The following FARS2 variants were observed in gnomAD, a reference collection of about 807,000 sequenced individuals.
FARS2 encodes the protein phenylalanyl-tRNA synthetase 2, mitochondrial, also known as phenylalanine--tRNA ligase, mitochondrial.
In FARS2, 40 loss-of-function variants were observed where a neutral mutation model predicts 46.4. The ratio of observed to expected loss-of-function variants is 0.86; its 90% CI spans 0.67 to 1.12. The LOEUF is 1.12. FARS2 is among the 50% of genes most tolerant of loss of function. The probability of loss-of-function intolerance (pLI) is 0.00; values close to 1 mark genes in which losing one functional copy is unlikely to be tolerated. For missense variants in FARS2, 513 were observed against 567.9 expected (o/e 0.90, Z 0.98); for synonymous variants, 234 against 214.9 (o/e 1.09, Z -0.78).
chr6:5,558,315 C>G lies in FARS2; in HGVS notation c.1065+12975C>G, dbSNP rs557166184. Among the ~76,000 whole-genome samples, 6 of 152,136 alleles carry G rather than the reference C, an allele frequency of 3.9e-5. No homozygotes were observed. The South Asian group carries it at 1.2e-3, about 32-fold the overall frequency. On this transcript the variant is annotated intron_variant, in intron 5 of 6. Coordinates refer to ENST00000274680, the MANE Select transcript of FARS2 (RefSeq NM_006567.5). ...GGCTGCCTGTATTTAGACAGAGAAA[C>G]AAGTTACTTTGTAGGTAGAGTGTCA...
chr6:5,332,810 A>G (rs1026149261), intron 1 of FARS2, among the ~76,000 whole-genome samples: 1 of 152,196 alleles, frequency 6.6e-6, no homozygotes, highest in African/African-American at 2.4e-5. Context: ...ACATAGGGCA[A>G]ACGCTTTCAT....
intron 6 of FARS2, among the ~76,000 whole-genome samples, chr6:5,722,861 A>G (rs910849188): frequency 6.6e-6 from 1 of 152,228 alleles, no homozygotes; most frequent in African/African-American, 2.4e-5. Flanking sequence ...TCTAAACCCT[A>G]GTTATGAAGT....
chr6:5,276,040 A>G (rs1766310564), intron 1 of FARS2, among the ~76,000 whole-genome samples: 3 of 152,198 alleles, frequency 2.0e-5, no homozygotes, highest in South Asian at 4.1e-4. Context: ...ACTAGTCACA[A>G]TCATTTAAAA....
At chr6:5,770,593 T>A (rs761387916) in intron 6 of FARS2, among the ~76,000 whole-genome samples, 1 of 152,218 alleles carries the variant, frequency 6.6e-6, no homozygotes, top group Admixed American at 6.5e-5. Context: ...CCCAGGGGTC[T>A]TTCTCATGAG....
At chr6:5,748,128 C>T (rs1456183489) in intron 6 of FARS2, among the ~76,000 whole-genome samples, 1 of 152,182 alleles carries the variant, frequency 6.6e-6, no homozygotes, top group Non-Finnish European at 1.5e-5. Context: ...CCTACCCACT[C>T]TCACCTCTCC....
intron 5 of FARS2, among the ~76,000 whole-genome samples, chr6:5,592,996 C>T (rs542644807): frequency 3.3e-5 from 5 of 152,330 alleles, no homozygotes; most frequent in East Asian, 1.9e-4. Flanking sequence ...TCTTCTCTCT[C>T]TGCCTCATCT....
chr6:5,468,362 A>G (rs985978058), intron 4 of FARS2, among the ~76,000 whole-genome samples: 21 of 151,948 alleles, frequency 1.4e-4, no homozygotes, highest in African/African-American at 4.4e-4. Context: ...GTAAAAAAAA[A>G]AAAAAGAAAG....
At chr6:5,716,749 C>T (rs1422846069) in intron 6 of FARS2, among the ~76,000 whole-genome samples, 1 of 152,212 alleles carries the variant, frequency 6.6e-6, no homozygotes, top group Non-Finnish European at 1.5e-5. Flanking sequence ...GTACCAACAT[C>T]TACTGGCTTA....
In FARS2 at chr6:5,362,096, C is replaced by T. The variant is rs116356213; in HGVS notation, c.-21-6454C>T. On this transcript the variant is annotated intron_variant, in intron 1 of 6. Coordinates refer to ENST00000274680, the MANE Select transcript of FARS2 (RefSeq NM_006567.5). ...TGTAACAGATGCTTCAGATACCTTT[C>T]GAAATGTTACTTCTTAGAGCAGTCT... Among the ~76,000 whole-genome samples the T allele has an allele frequency of 5.6e-3, 856 of 152,264 alleles. 8 individuals carry two copies. The highest frequency in any genetic ancestry group is 0.017 in the African/African-American group (723 of 41,538).
chr6:5,608,833 C>T (rs1582572480), intron 5 of FARS2, among the ~76,000 whole-genome samples: 3 of 152,104 alleles, frequency 2.0e-5, no homozygotes, highest in African/African-American at 7.2e-5. Flanking sequence ...TAACTTCACA[C>T]TCTTGGGGAA....
intron 6 of FARS2, among the ~76,000 whole-genome samples, chr6:5,709,671 GGTGT>G (rs771506886): frequency 1.3e-4 from 13 of 97,236 alleles, no homozygotes; most frequent in East Asian, 1.3e-3. Flanking sequence ...GTTCCAAGAG[GGTGT>G]GTGTGTGTGT....
chr6:5,317,862 G>T (rs970934788), intron 1 of FARS2, among the ~76,000 whole-genome samples: 11 of 152,026 alleles, frequency 7.2e-5, no homozygotes, highest in Non-Finnish European at 1.3e-4. Context: ...TTGAGGAGCA[G>T]TCACAAGGGA....
the FARS2 span, among the ~76,000 whole-genome samples, chr6:5,251,533 G>C: frequency 6.6e-6 from 1 of 152,162 alleles, no homozygotes; most frequent in Non-Finnish European, 1.5e-5. Context: ...GCAAGCAAGC[G>C]AGGAAGGAGA....
intron 1 of FARS2, among the ~76,000 whole-genome samples, chr6:5,282,812 A>G (rs1766832286): frequency 1.3e-5 from 2 of 152,192 alleles, no homozygotes; most frequent in African/African-American, 4.8e-5. Context: ...GGGTCTCTAC[A>G]TTATGTCCAT....
chr6:5,515,315 G>A (rs1282310637), intron 4 of FARS2, among the ~76,000 whole-genome samples: 1 of 152,148 alleles, frequency 6.6e-6, no homozygotes, highest in East Asian at 1.9e-4. Flanking sequence ...CATGTGGAAC[G>A]AAAACTCTAG....
chr6:5,284,939 G>A (rs17140091), intron 1 of FARS2, among the ~76,000 whole-genome samples: 1,780 of 152,222 alleles, frequency 0.012, 29 homozygotes, highest in African/African-American at 0.04. Flanking sequence ...GGAACTCAAT[G>A]TGTCTGAAAC....
the FARS2 span, among the ~76,000 whole-genome samples, chr6:5,252,392 C>A: frequency 3.3e-5 from 5 of 152,200 alleles, no homozygotes; most frequent in South Asian, 2.1e-4. Context: ...TCGTTACTTA[C>A]TGGGGATTTT....
At chr6:5,613,042 A>G in intron 5 of FARS2, 127 bp from the exon 6 acceptor site, 1 of 741,106 alleles carries the variant, frequency 1.3e-6, no homozygotes, top group Non-Finnish European at 2.2e-6. Context: ...TTGTTCTGCA[A>G]ATTTAGATGC....
intron 1 of FARS2, among the ~76,000 whole-genome samples, chr6:5,357,679 AT>A (rs1350965805): frequency 1.3e-5 from 2 of 152,268 alleles, no homozygotes; most frequent in African/African-American, 4.8e-5. Flanking sequence ...CTATTGAAAA[AT>A]GCAAGGTAGG....
Sources: gnomAD v4.1 joint callset for allele counts (sites outside exome capture counted in the v4.1 genomes callset) on GRCh38, gnomAD v4.1.1 for gene constraint, MANE v1.5 for transcripts, NCBI Gene and HGNC (gene_info 2026-07-23, HGNC 2026-07-21) for gene names.